The following HS3ST4 variants were observed in gnomAD, a reference collection of about 807,000 sequenced individuals.
HS3ST4 encodes the protein heparan sulfate glucosamine 3-O-sulfotransferase 4.
A neutral mutation model predicts 29.2 loss-of-function variants in HS3ST4; 17 were observed. That is an observed-to-expected ratio of 0.58 (90% CI 0.40 to 0.87). HS3ST4 has a LOEUF of 0.87. HS3ST4 is among the 40% of genes least tolerant of loss of function. HS3ST4 has a pLI of 0.00. For synonymous variants in HS3ST4, 314 were observed against 285.7 expected (o/e 1.10, Z -1.00); for missense variants, 627 against 634.5 (o/e 0.99, Z 0.13).
At chr16:26,000,174 A>G (rs981805816) in intron 1 of HS3ST4, among the ~76,000 whole-genome samples, 2 of 152,006 alleles carry the variant, frequency 1.3e-5, no homozygotes, top group African/African-American at 4.8e-5. Context: ...AGAATTTACC[A>G]GCTTATGCAA....
intron 1 of HS3ST4, among the ~76,000 whole-genome samples, chr16:25,775,411 C>T (rs1191095892): frequency 6.6e-6 from 1 of 152,194 alleles, no homozygotes; most frequent in Admixed American, 6.5e-5. Context: ...ATATGGTTTA[C>T]TAGGAAAAGC....
intron 1 of HS3ST4, among the ~76,000 whole-genome samples, chr16:25,800,482 T>G (rs1200408344): frequency 6.6e-6 from 1 of 152,126 alleles, no homozygotes; most frequent in Non-Finnish European, 1.5e-5. Flanking sequence ...ACTTTTTTCT[T>G]TGTTATTAAC....
intron 1 of HS3ST4, among the ~76,000 whole-genome samples, chr16:25,770,705 T>C (rs1343504859): frequency 6.6e-6 from 1 of 152,210 alleles, no homozygotes; most frequent in Non-Finnish European, 1.5e-5. Context: ...CATATATTGA[T>C]GCATTTCGTT....
At chr16:26,106,468 C>T (rs537640591) in intron 1 of HS3ST4, among the ~76,000 whole-genome samples, 59 of 152,210 alleles carry the variant, frequency 3.9e-4, no homozygotes, top group African/African-American at 1.4e-3. Context: ...AACACATGTG[C>T]GTAAGTTGAA....
intron 1 of HS3ST4, among the ~76,000 whole-genome samples, chr16:25,757,951 C>G (rs757225514): frequency 3.3e-5 from 5 of 152,048 alleles, no homozygotes; most frequent in African/African-American, 4.8e-5. Context: ...AACTTTAGTT[C>G]TGTAGAGAGA....
intron 1 of HS3ST4, among the ~76,000 whole-genome samples, chr16:26,086,412 C>T (rs576478616): frequency 5.3e-5 from 8 of 151,708 alleles, no homozygotes; most frequent in South Asian, 2.1e-4. Flanking sequence ...TGCAGTGGCA[C>T]GATCTCGGCT....
chr16:25,898,926 T>A (rs2141672383), intron 1 of HS3ST4, among the ~76,000 whole-genome samples: 1 of 152,354 alleles, frequency 6.6e-6, no homozygotes, highest in South Asian at 2.1e-4. Flanking sequence ...ATCTGCCTCC[T>A]AAAATGCTCT....
intron 1 of HS3ST4, among the ~76,000 whole-genome samples, chr16:25,956,997 CA>C (rs11382105): frequency 0.046 from 3,566 of 77,684 alleles, 22 homozygotes; most frequent in Middle Eastern, 0.082. Context: ...GACTCCGTCT[CA>C]AAAAAAAAAA....
chr16:26,063,538 C>A lies in HS3ST4; in HGVS notation c.735-72074C>A, dbSNP rs564700190. Among the ~76,000 whole-genome samples the A allele has an allele frequency of 1.5e-4, 22 of 150,354 alleles. No individual in the cohort carries two copies. In the South Asian group the frequency reaches 4.4e-3, roughly 30 times the overall value. On this transcript the variant is annotated intron_variant, in intron 1 of 1. Coordinates refer to ENST00000331351, the MANE Select transcript of HS3ST4 (RefSeq NM_006040.3). ...CTGAAAAAAAAAAAAAAGAAAAAAA[C>A]CATTAAAAATTAGCTAGGTGTGGTG... is the stretch of plus-strand genomic sequence containing the variant.
At chr16:25,876,797 A>G (rs1399920112) in intron 1 of HS3ST4, among the ~76,000 whole-genome samples, 1 of 152,048 alleles carries the variant, frequency 6.6e-6, no homozygotes, top group Non-Finnish European at 1.5e-5. Context: ...TCTACTCATT[A>G]TTGACGCTTC....
intron 1 of HS3ST4, among the ~76,000 whole-genome samples, chr16:26,037,175 G>A (rs552184364): frequency 7.4e-4 from 113 of 152,262 alleles, no homozygotes; most frequent in African/African-American, 2.6e-3. Flanking sequence ...CTTGCCTCAT[G>A]CCATATACCT....
At chr16:25,969,058 A>G (rs1262487397) in intron 1 of HS3ST4, among the ~76,000 whole-genome samples, 1 of 152,296 alleles carries the variant, frequency 6.6e-6, no homozygotes, top group East Asian at 1.9e-4. Flanking sequence ...TAACCTCTGG[A>G]TCCACTGTCT....
At chr16:25,851,324 G>C (rs1967519756) in intron 1 of HS3ST4, among the ~76,000 whole-genome samples, 1 of 152,162 alleles carries the variant, frequency 6.6e-6, no homozygotes, top group South Asian at 2.1e-4. Context: ...GCAAGTGGCT[G>C]TCATCACTGT....
intron 1 of HS3ST4, among the ~76,000 whole-genome samples, chr16:25,840,797 C>G (rs915052854): frequency 6.6e-6 from 1 of 152,004 alleles, no homozygotes; most frequent in African/African-American, 2.4e-5. Flanking sequence ...CAAATAAACA[C>G]TGTGGAGTTT....
intron 1 of HS3ST4, among the ~76,000 whole-genome samples, chr16:25,900,252 C>T (rs115306295): frequency 6.6e-6 from 1 of 152,008 alleles, no homozygotes; most frequent in East Asian, 1.9e-4. Flanking sequence ...TTCTGTTTCC[C>T]GAGCTTGGAT....
intron 1 of HS3ST4, among the ~76,000 whole-genome samples, chr16:25,987,727 A>G (rs780300818): frequency 6.6e-6 from 1 of 152,024 alleles, no homozygotes; most frequent in Non-Finnish European, 1.5e-5. Context: ...GACCTTGAGG[A>G]GGTTTTGGGA....
At chr16:25,937,170 T>C (rs1402198913) in intron 1 of HS3ST4, among the ~76,000 whole-genome samples, 1 of 151,998 alleles carries the variant, frequency 6.6e-6, no homozygotes, top group African/African-American at 2.4e-5. Context: ...TGAACATCTG[T>C]CCAACTGGTT....
intron 1 of HS3ST4, among the ~76,000 whole-genome samples, chr16:25,984,618 G>A (rs1309725649): frequency 2.0e-5 from 3 of 152,096 alleles, no homozygotes; most frequent in African/African-American, 7.2e-5. Context: ...TTTACTTCTA[G>A]GAGATCACCT....
intron 1 of HS3ST4, among the ~76,000 whole-genome samples, chr16:25,963,946 A>G (rs943124180): frequency 2.8e-4 from 43 of 152,290 alleles, no homozygotes; most frequent in African/African-American, 9.9e-4. Flanking sequence ...CGAGGTGGGC[A>G]GATCACCTGA....
Sources: allele counts gnomAD v4.1 joint callset (sites outside exome capture counted in the v4.1 genomes callset), GRCh38; gene constraint gnomAD v4.1.1; transcripts MANE v1.5; gene names NCBI Gene and HGNC (gene_info 2026-07-23, HGNC 2026-07-21).